The following TDRD3 variants were observed in gnomAD, a reference collection of about 807,000 sequenced individuals.
TDRD3 encodes the protein tudor domain-containing protein 3.
In TDRD3, 45 loss-of-function variants were observed where a neutral mutation model predicts 86.7. The observed-to-expected ratio is 0.52, with a 90% CI of 0.41 to 0.67. The LOEUF (loss-of-function observed/expected upper bound fraction) is 0.67. Ranked by LOEUF, TDRD3 falls within the 30% of genes least tolerant of loss-of-function variation. TDRD3 has a pLI of 0.00. For missense variants in TDRD3, 814 were observed against 889.0 expected, an observed-to-expected ratio of 0.92 and a Z score of 1.07; for synonymous variants, 298 against 301.7, an observed-to-expected ratio of 0.99 and a Z score of 0.13.
At chr13:60,544,137 G>A (rs1397455731) in intron 12 of TDRD3, among the ~76,000 whole-genome samples, 1 of 151,374 alleles carries the variant, frequency 6.6e-6, no homozygotes, top group Non-Finnish European at 1.5e-5. Flanking sequence ...CGTTAAGCTA[G>A]CATTGGCTAC....
intron 12 of TDRD3, among the ~76,000 whole-genome samples, chr13:60,561,950 A>T: frequency 6.6e-6 from 1 of 152,026 alleles, no homozygotes; most frequent in Non-Finnish European, 1.5e-5. Flanking sequence ...GATAATTGGT[A>T]AAGTTCAGTA....
chr13:60,484,612 T>G (rs568489600), intron 6 of TDRD3: 1 of 423,226 alleles, frequency 2.4e-6, no homozygotes, highest in South Asian at 1.8e-5. Context: ...TAAGATATAC[T>G]CTCACTTAAA....
At chr13:60,473,496 C>CCGAG (rs1956114438) in intron 5 of TDRD3, among the ~76,000 whole-genome samples, 1 of 152,074 alleles carries the variant, frequency 6.6e-6, no homozygotes, top group South Asian at 2.1e-4. Context: ...AGGCAAGAGA[C>CCGAG]CGAGGGCACA....
At chr13:60,399,591 A>C (rs1427431763) in intron 1 of TDRD3, among the ~76,000 whole-genome samples, 2 of 152,158 alleles carry the variant, frequency 1.3e-5, no homozygotes, top group African/African-American at 4.8e-5. Context: ...CTGGAGGGAA[A>C]ATTTCTGACT....
At chr13:60,492,175 A>G (rs1956602699) in intron 7 of TDRD3, among the ~76,000 whole-genome samples, 1 of 152,222 alleles carries the variant, frequency 6.6e-6, no homozygotes, top group African/African-American at 2.4e-5. Flanking sequence ...ATGGAAAGAA[A>G]ATTATAAGTA....
intron 1 of TDRD3, among the ~76,000 whole-genome samples, chr13:60,433,395 T>C (rs1398472240): frequency 1.3e-5 from 2 of 152,214 alleles, no homozygotes; most frequent in Non-Finnish European, 2.9e-5. Context: ...GACTGAATGA[T>C]TTGATACTTT....
intron 5 of TDRD3, among the ~76,000 whole-genome samples, chr13:60,470,389 G>C (rs76566560): frequency 3.2e-4 from 48 of 152,184 alleles, no homozygotes; most frequent in African/African-American, 1.1e-3. Flanking sequence ...GTGTGATCTA[G>C]AAGTGGGATT....
intron 10 of TDRD3, among the ~76,000 whole-genome samples, chr13:60,513,124 T>G (rs77379301): frequency 1.3e-5 from 2 of 152,246 alleles, no homozygotes; most frequent in Non-Finnish European, 2.9e-5. Flanking sequence ...TGTGCACTCA[T>G]AGGCTCAACA....
chr13:60,572,933 A>G (rs1011599601), intron 13 of TDRD3, among the ~76,000 whole-genome samples: 22 of 152,164 alleles, frequency 1.4e-4, no homozygotes, highest in African/African-American at 5.3e-4. Flanking sequence ...GGATTATAGT[A>G]CCCGACGCTC....
rs1261009704 is a variant in TDRD3 at position 60,528,515 on chromosome 13, A to G, written c.1290A>G (p.Gln430=). ...GAAATGAAAAACCGCCTCGTTTTCA[A>G]AGAGACTCCCAAAATTCAAAGTCAG... ...QPRNEKPPRF[Q]RDSQNSKSVL... is the part of the protein sequence containing the mutation. Residue 430 remains glutamine, a synonymous_variant, in exon 11 of 14, where the codon CAA becomes CAG. Coordinates refer to ENST00000377881, the MANE Select transcript of TDRD3 (RefSeq NM_001146070.2). 2 of 1,614,068 alleles carry G rather than the reference A, an allele frequency of 1.2e-6. No individual in the cohort carries two copies.
At chr13:60,423,982 G>C (rs150202628) in intron 1 of TDRD3, among the ~76,000 whole-genome samples, 6 of 152,140 alleles carry the variant, frequency 3.9e-5, no homozygotes, top group Admixed American at 1.3e-4. Flanking sequence ...CCAAAATCCT[G>C]ATGTTTTCTC....
intron 8 of TDRD3, among the ~76,000 whole-genome samples, chr13:60,495,844 G>A (rs985958001): frequency 6.6e-6 from 1 of 152,284 alleles, no homozygotes; most frequent in Non-Finnish European, 1.5e-5. Context: ...GGAGCAGTTT[G>A]TGGAGGGTCA....
chr13:60,507,059 G>C (rs150715307), intron 8 of TDRD3, among the ~76,000 whole-genome samples: 128 of 152,278 alleles, frequency 8.4e-4, no homozygotes, highest in African/African-American at 2.8e-3. Flanking sequence ...TGCAATCCTA[G>C]TGTCTGATGA....
intron 7 of TDRD3, among the ~76,000 whole-genome samples, chr13:60,488,770 G>C (rs905471485): frequency 6.6e-6 from 1 of 152,122 alleles, no homozygotes; most frequent in Middle Eastern, 3.4e-3. Flanking sequence ...GTAGAGACAG[G>C]GTTTCACCAT....
chr13:60,551,965 C>G (rs575543513), intron 12 of TDRD3, among the ~76,000 whole-genome samples: 1 of 152,104 alleles, frequency 6.6e-6, no homozygotes, highest in Admixed American at 6.5e-5. Flanking sequence ...GTCTCTCCCT[C>G]GACATGTGGG....
Position 60,509,861 on chromosome 13 carries a change from A to G in TDRD3, c.957A>G (p.Ala319=), listed in dbSNP as rs767463347. Residue 319 remains alanine, a synonymous_variant, in exon 9 of 14, where the codon GCA becomes GCG. Coordinates refer to ENST00000377881, the MANE Select transcript of TDRD3 (RefSeq NM_001146070.2). ...LMDNGNNLEA[A]LNVLLTSNKQ... ...ATAATGGCAACAACTTAGAAGCAGC[A>G]CTGAACGTACTTCTTACAAGCAATA... 2 of 1,613,884 alleles carry G rather than the reference A, an allele frequency of 1.2e-6. No individual in the cohort carries two copies. Among genetic ancestry groups the G allele is most frequent in the Admixed American group, 3.3e-5 (2 of 60,018 alleles).
Position 60,528,521 on chromosome 13 carries a change from C to A in TDRD3, c.1296C>A (p.Asp432Glu). The A allele has an allele frequency of 6.2e-7, 1 of 1,613,988 alleles. No homozygotes were observed. The change falls in exon 11 of 14, where the codon GAC (aspartate) becomes GAA (glutamate). Residue 432 changes from aspartate (D) to glutamate (E), a missense_variant. By Grantham distance (45) the Asp-to-Glu change is conservative. Coordinates refer to ENST00000377881, the MANE Select transcript of TDRD3 (RefSeq NM_001146070.2). ...AAAAACCGCCTCGTTTTCAAAGAGA[C>A]TCCCAAAATTCAAAGTCAGTTTTAG... ...RNEKPPRFQR[D>E]SQNSKSVLEG...
intron 2 of TDRD3, among the ~76,000 whole-genome samples, chr13:60,442,389 G>A (rs927999312): frequency 6.7e-6 from 1 of 149,646 alleles, no homozygotes; most frequent in African/African-American, 2.4e-5. Context: ...GTGTGTGTGT[G>A]TGTATTTATG....
chr13:60,471,117 C>T (rs950444645), intron 5 of TDRD3, among the ~76,000 whole-genome samples: 1 of 152,120 alleles, frequency 6.6e-6, no homozygotes, highest in Non-Finnish European at 1.5e-5. Flanking sequence ...CCATGTGTTG[C>T]CTTTTCACTG....
Sources: allele counts gnomAD v4.1 joint callset (sites outside exome capture counted in the v4.1 genomes callset), GRCh38; gene constraint gnomAD v4.1.1; transcripts MANE v1.5; gene names NCBI Gene and HGNC (gene_info 2026-07-23, HGNC 2026-07-21).